Variants in KCNH1 observed in about 807,000 individuals in gnomAD.
KCNH1 encodes potassium voltage-gated channel subfamily H member 1.
Under a neutral mutation model 69.2 loss-of-function variants are expected in KCNH1, and 27 were observed. That is an observed-to-expected ratio of 0.39 (90% CI 0.29 to 0.54). KCNH1 has a LOEUF of 0.54. KCNH1 is among the 20% of genes least tolerant of loss of function. The pLI is 0.68. For missense variants in KCNH1, 798 were observed against 1,261.6 expected, an observed-to-expected ratio of 0.63 and a Z score of 5.57; for synonymous variants, 456 against 487.7, an observed-to-expected ratio of 0.93 and a Z score of 0.86.
In KCNH1 at chr1:211,113,974, TCACACA is replaced by T. The variant is rs371049407; in HGVS notation, c.80-6603_80-6598del. Among the ~76,000 whole-genome samples the T allele has an allele frequency of 5.3e-3, 755 of 142,464 alleles. 5 individuals carry two copies. The highest frequency in any genetic ancestry group is 5.4e-3 in the African/African-American group (207 of 38,030). The allele number at this position is 142,464 out of a possible 152,430, so 93.5% of individuals were successfully genotyped here. ...CTCTGTCTCTCTCTCTCTCTCTCTCTCACACACACACACACACACACACACACACAT... is the reference window on the plus strand; with the variant it reads ...CTCTGTCTCTCTCTCTCTCTCTCTCTCACACACACACACACACACACACAT... On this transcript the variant is annotated intron_variant, in intron 1 of 10. Transcript: ENST00000271751.
intron 4 of KCNH1, among the ~76,000 whole-genome samples, chr1:211,083,468 G>A (rs375770118): frequency 6.6e-6 from 1 of 152,222 alleles, no homozygotes; most frequent in East Asian, 1.9e-4. Flanking sequence ...ATTTTAGTCT[G>A]CTTTAGGATG....
At chr1:210,966,396 G>A (rs922278043) in intron 6 of KCNH1, among the ~76,000 whole-genome samples, 1 of 152,100 alleles carries the variant, frequency 6.6e-6, no homozygotes, top group Non-Finnish European at 1.5e-5. Context: ...GATTTAATTA[G>A]ACTAAAGAGC....
intron 7 of KCNH1, among the ~76,000 whole-genome samples, chr1:210,831,528 C>A (rs545220945): frequency 7.2e-5 from 11 of 152,260 alleles, no homozygotes; most frequent in African/African-American, 2.6e-4. Context: ...TTGCAAATAG[C>A]TATGAATAGA....
At chr1:211,089,917 TC>T (rs1207832476) in intron 4 of KCNH1, among the ~76,000 whole-genome samples, 1 of 152,242 alleles carries the variant, frequency 6.6e-6, no homozygotes, top group African/African-American at 2.4e-5. Context: ...GTACGGTTGT[TC>T]CAGAAATCCT....
At chr1:210,970,879 A>G (rs749642248) in intron 6 of KCNH1, among the ~76,000 whole-genome samples, 1 of 152,196 alleles carries the variant, frequency 6.6e-6, no homozygotes, top group Non-Finnish European at 1.5e-5. Flanking sequence ...AATTTTTGCA[A>G]TCTATCCATC....
intron 5 of KCNH1, among the ~76,000 whole-genome samples, chr1:211,043,931 G>A (rs1448611237): frequency 6.6e-6 from 1 of 152,052 alleles, no homozygotes; most frequent in African/African-American, 2.4e-5. Context: ...AGCATACAAG[G>A]GACATACCTT....
At chr1:210,862,138 TC>T in intron 7 of KCNH1, 1 of 1,323,066 alleles carries the variant, frequency 7.6e-7, no homozygotes, top group Non-Finnish European at 1.1e-6. Context: ...CACAGGTAAA[TC>T]CAGCTGTTCC....
intron 7 of KCNH1, chr1:210,859,999 C>T (rs1446257687): frequency 1.6e-5 from 25 of 1,590,206 alleles, no homozygotes; most frequent in Admixed American, 8.3e-5. Flanking sequence ...GCTGCTTCCA[C>T]GAATAAGGGA....
chr1:210,994,612 T>C (rs12022715), intron 6 of KCNH1, among the ~76,000 whole-genome samples: 36,138 of 152,116 alleles, frequency 0.24, 5,883 homozygotes, highest in African/African-American at 0.45. Flanking sequence ...AACTTCATAG[T>C]GTGAAGACAA....
chr1:210,835,076 C>A (rs1685253580), intron 7 of KCNH1, among the ~76,000 whole-genome samples: 1 of 152,028 alleles, frequency 6.6e-6, no homozygotes, highest in Admixed American at 6.6e-5. Flanking sequence ...CAGTTGAGTG[C>A]CTAAAAACTC....
Position 210,875,577 on chromosome 1 carries a change from C to T in KCNH1, c.1462+44063G>A, listed in dbSNP as rs188001180. Among the ~76,000 whole-genome samples, 104 of 152,108 alleles carry T rather than the reference C, an allele frequency of 6.8e-4. 1 individual carries two copies. The highest frequency in any genetic ancestry group is 5.0e-3 in the East Asian group (26 of 5,156). Reference sequence around the variant, plus strand: ...CAGCACTTTGGGAGGCCAAGGCGGGCGGATCACTTGAGATCAGGAGTTTGA... The same window carrying T: ...CAGCACTTTGGGAGGCCAAGGCGGGTGGATCACTTGAGATCAGGAGTTTGA... On this transcript the variant is annotated intron_variant, in intron 7 of 10. Coordinates refer to ENST00000271751, the MANE Select transcript of KCNH1 (RefSeq NM_172362.3).
intron 10 of KCNH1, among the ~76,000 whole-genome samples, chr1:210,725,243 T>C (rs1333843368): frequency 1.3e-5 from 2 of 152,172 alleles, no homozygotes; most frequent in African/African-American, 4.8e-5. Context: ...ACTGTCAGAA[T>C]TACCTATGAA....
rs1574338855 is a variant in KCNH1, at chr1:210,919,818, G to A, written c.1284C>T (p.Thr428=). ...WLYQLAMDIG[T]PYQFNGSGSG... Reference sequence around the variant, plus strand: ...AGCCAGACCCATTAAACTGGTAAGGGGTGCCAATGTCCATCGCTAGTTGGT... The same window carrying A: ...AGCCAGACCCATTAAACTGGTAAGGAGTGCCAATGTCCATCGCTAGTTGGT... Residue 428 remains threonine, a synonymous_variant, in exon 7 of 11, where the codon ACC becomes ACT. Transcript: ENST00000271751. The surrounding 1 kb of genome is among the most constrained non-coding windows in gnomAD (Gnocchi z 4.2). 1 of 1,614,104 alleles carries A rather than the reference G, an allele frequency of 6.2e-7. No individual in the cohort carries two copies. Among genetic ancestry groups the A allele is most frequent in the Non-Finnish European group, 8.5e-7 (1 of 1,180,002 alleles).
At chr1:210,743,912 C>A (rs897130682) in intron 10 of KCNH1, among the ~76,000 whole-genome samples, 1 of 152,220 alleles carries the variant, frequency 6.6e-6, no homozygotes, top group African/African-American at 2.4e-5. Context: ...AGGGACTACA[C>A]TCAAGCTCCA....
chr1:210,701,098 T>C (rs563491480), intron 10 of KCNH1, among the ~76,000 whole-genome samples: 5 of 151,832 alleles, frequency 3.3e-5, no homozygotes, highest in East Asian at 1.9e-4. Flanking sequence ...CCACCACGCC[T>C]GGCTAATTTT....
At chr1:210,953,829 G>C (rs1688109069) in intron 6 of KCNH1, among the ~76,000 whole-genome samples, 2 of 152,078 alleles carry the variant, frequency 1.3e-5, no homozygotes, top group Non-Finnish European at 2.9e-5. Flanking sequence ...TTCACTGCCA[G>C]CTCCAGATAC....
chr1:210,957,247 G>A (rs578206425), intron 6 of KCNH1, among the ~76,000 whole-genome samples: 5 of 152,264 alleles, frequency 3.3e-5, no homozygotes, highest in East Asian at 3.9e-4. Flanking sequence ...TTAATCCTAA[G>A]TTCTAATTTG....
chr1:210,780,864 G>A lies in KCNH1; in HGVS notation c.1916-5320C>T, dbSNP rs190380178. On this transcript the variant is annotated intron_variant, in intron 9 of 10. Coordinates refer to ENST00000271751, the MANE Select transcript of KCNH1 (RefSeq NM_172362.3). ...AGATAGAGACCATCCTGGCTAACAC[G>A]GTGAAACCCCGTCTCTACTAAAAAT... Among the ~76,000 whole-genome samples the A allele has an allele frequency of 7.9e-5, 12 of 152,250 alleles. No homozygotes were observed. In the East Asian group the frequency reaches 1.9e-3, roughly 25 times the overall value.
chr1:210,917,265 AAG>A (rs1353545353), intron 7 of KCNH1, among the ~76,000 whole-genome samples: 3 of 149,706 alleles, frequency 2.0e-5, no homozygotes, highest in Non-Finnish European at 3.0e-5. Flanking sequence ...GAAAGAAAGA[AAG>A]AAAGAAAGAA....
Sources: gnomAD v4.1 joint callset for allele counts (sites outside exome capture counted in the v4.1 genomes callset) on GRCh38, gnomAD v4.1.1 for gene constraint, Gnocchi (gnomAD v3.1) non-coding constraint, MANE v1.5 for transcripts, NCBI Gene and HGNC (gene_info 2026-07-23, HGNC 2026-07-21) for gene names.